PRSS23: variants seen among roughly 807,000 people sequenced by gnomAD.
PRSS23 encodes serine protease 23.
PRSS23 carries 25 observed loss-of-function variants against 34.7 expected under a neutral mutation model. The observed-to-expected ratio is 0.72, with a 90% CI of 0.53 to 1.01. The LOEUF (loss-of-function observed/expected upper bound fraction) is 1.01. PRSS23 is among the 50% of genes least tolerant of loss of function. PRSS23 has a pLI of 0.00. For missense variants in PRSS23, 445 were observed against 475.6 expected (o/e 0.94, Z 0.60); for synonymous variants, 176 against 186.6 (o/e 0.94, Z 0.46).
intron 2 of PRSS23, among the ~76,000 whole-genome samples, chr11:86,886,644 A>C (rs1184488847): frequency 6.6e-6 from 1 of 152,204 alleles, no homozygotes; most frequent in Non-Finnish European, 1.5e-5. Flanking sequence ...TAGTCCCCAT[A>C]AAGTGGACTT....
At chr11:86,838,008 C>T (rs1485175726) in intron 2 of PRSS23, among the ~76,000 whole-genome samples, 1 of 151,566 alleles carries the variant, frequency 6.6e-6, no homozygotes, top group East Asian at 1.9e-4. Context: ...TGCAAGGGGT[C>T]AGCAGATTTC....
At chr11:86,908,371 A>G (rs540408443) in intron 2 of PRSS23, among the ~76,000 whole-genome samples, 1 of 152,352 alleles carries the variant, frequency 6.6e-6, no homozygotes, top group Admixed American at 6.5e-5. Context: ...GTACATATCT[A>G]TAATTTTGGC....
At chr11:86,879,942 G>A (rs1453303543) in intron 2 of PRSS23, among the ~76,000 whole-genome samples, 1 of 151,988 alleles carries the variant, frequency 6.6e-6, no homozygotes, top group Non-Finnish European at 1.5e-5. Flanking sequence ...CGTCTGGGAG[G>A]TGTACCCAAC....
chr11:86,830,104 C>T (rs906728495), intron 2 of PRSS23, among the ~76,000 whole-genome samples: 1 of 152,190 alleles, frequency 6.6e-6, no homozygotes, highest in Admixed American at 6.5e-5. Flanking sequence ...GTGGAGCCTA[C>T]AGAGGCAGGC....
At chr11:86,828,304 C>G (rs945961209) in intron 2 of PRSS23, among the ~76,000 whole-genome samples, 1 of 152,120 alleles carries the variant, frequency 6.6e-6, no homozygotes, top group African/African-American at 2.4e-5. Context: ...TTATCAGAGA[C>G]TAGGATTGCA....
intron 2 of PRSS23, among the ~76,000 whole-genome samples, chr11:86,858,241 T>C (rs941097552): frequency 6.6e-6 from 1 of 152,170 alleles, no homozygotes; most frequent in South Asian, 2.1e-4. Context: ...GAGAGCATAA[T>C]ATTACCTCCA....
chr11:86,915,121 G>A (rs559445447), intron 2 of PRSS23, among the ~76,000 whole-genome samples: 4 of 37,894 alleles, frequency 1.1e-4, no homozygotes, highest in South Asian at 1.5e-3. Flanking sequence ...AATGGAGAGC[G>A]TTTAATTGGA....
chr11:86,827,942 G>T (rs1028638848), intron 2 of PRSS23, among the ~76,000 whole-genome samples: 1 of 152,164 alleles, frequency 6.6e-6, no homozygotes, highest in Non-Finnish European at 1.5e-5. Flanking sequence ...AATAGGTGTG[G>T]TGTGGTGCTG....
intron 2 of PRSS23, among the ~76,000 whole-genome samples, chr11:86,824,383 A>ATAAAATAAAATAAATAAAAT (rs1200369120): frequency 6.3e-5 from 9 of 143,736 alleles, no homozygotes; most frequent in African/African-American, 2.4e-4. Flanking sequence ...ATAAAATAAA[A>ATAAAATAAAATAAATAAAAT]AAACAAAATG....
chr11:86,915,545 A>T lies in PRSS23; in HGVS notation c.207-35671A>T, dbSNP rs1249910155. ...GCTTAGAGTCGTAATAATAATATAT[A>T]TTATATATATAAAACTAATATATAA... On this transcript the variant is annotated intron_variant, in intron 2 of 2. Transcript: ENST00000533902. Among the ~76,000 whole-genome samples the T allele has an allele frequency of 3.4e-5, 5 of 148,286 alleles. No individual in the cohort carries two copies. The Admixed American group carries it at 3.4e-4, about 10-fold the overall frequency.
At chr11:86,801,136 T>A (rs992334737) in intron 1 of PRSS23, among the ~76,000 whole-genome samples, 2 of 152,178 alleles carry the variant, frequency 1.3e-5, no homozygotes, top group African/African-American at 4.8e-5. Context: ...GCAAGAGAAG[T>A]GCAAAAGTGC....
At chr11:86,794,755 T>TA (rs1947970448) in intron 1 of PRSS23, among the ~76,000 whole-genome samples, 1 of 152,210 alleles carries the variant, frequency 6.6e-6, no homozygotes, top group East Asian at 1.9e-4. Context: ...TTGAGTGGTT[T>TA]ATCTTGTTAG....
intron 2 of PRSS23, among the ~76,000 whole-genome samples, chr11:86,856,784 T>C (rs1165494673): frequency 1.3e-5 from 2 of 152,168 alleles, no homozygotes; most frequent in Non-Finnish European, 2.9e-5. Flanking sequence ...AAGATGGTTG[T>C]GATTTCACCT....
At chr11:86,804,491 G>A (rs779989260) in intron 1 of PRSS23, among the ~76,000 whole-genome samples, 5 of 152,230 alleles carry the variant, frequency 3.3e-5, no homozygotes, top group Non-Finnish European at 7.3e-5. Flanking sequence ...GAACTTGGAA[G>A]CAGAGTTGCA....
At chr11:86,929,761 A>G (rs1259317635) in intron 2 of PRSS23, among the ~76,000 whole-genome samples, 1 of 152,204 alleles carries the variant, frequency 6.6e-6, no homozygotes, top group Non-Finnish European at 1.5e-5. Context: ...TCATTGCGGC[A>G]TTGTTTATGA....
intron 2 of PRSS23, among the ~76,000 whole-genome samples, chr11:86,861,555 T>C (rs1251255443): frequency 2.6e-5 from 4 of 152,006 alleles, no homozygotes; most frequent in African/African-American, 7.2e-5. Flanking sequence ...GGGGATGATA[T>C]TACTCCCCAT....
intron 1 of PRSS23, among the ~76,000 whole-genome samples, chr11:86,805,520 A>G (rs1948090536): frequency 6.6e-6 from 1 of 152,224 alleles, no homozygotes; most frequent in Non-Finnish European, 1.5e-5. Context: ...CTTCCTACAA[A>G]AGGGCTCAGG....
downstream of PRSS23, among the ~76,000 whole-genome samples, chr11:86,811,682 T>C (rs538716124): frequency 2.6e-5 from 4 of 152,240 alleles, no homozygotes; most frequent in Non-Finnish European, 5.9e-5. Context: ...TCCCTGTTCT[T>C]TGTGTAGCTC....
chr11:86,831,432 A>G (rs1948354718), intron 2 of PRSS23, among the ~76,000 whole-genome samples: 1 of 151,850 alleles, frequency 6.6e-6, no homozygotes, highest in Non-Finnish European at 1.5e-5. Flanking sequence ...CTAATGTCAT[A>G]GCAGGTGTAC....
Sources: gnomAD v4.1 joint callset for allele counts (sites outside exome capture counted in the v4.1 genomes callset) on GRCh38, gnomAD v4.1.1 for gene constraint, MANE v1.5 for transcripts, NCBI Gene and HGNC (gene_info 2026-07-23, HGNC 2026-07-21) for gene names.